CTNNBL1: variants seen among roughly 807,000 people sequenced by gnomAD.
The protein encoded by CTNNBL1 is beta-catenin-like protein 1.
A neutral mutation model predicts 72.7 loss-of-function variants in CTNNBL1; 31 were observed. That is an observed-to-expected ratio of 0.43 (90% confidence interval 0.32 to 0.58). CTNNBL1 has a LOEUF of 0.58. Among genes scored for constraint, CTNNBL1 ranks in the 20% least tolerant of loss-of-function variants. The pLI, the probability that CTNNBL1 is intolerant of heterozygous loss-of-function variation, is 0.08. For missense variants in CTNNBL1, 534 were observed against 725.1 expected (o/e 0.74, Z 3.03); for synonymous variants, 240 against 267.3 (o/e 0.90, Z 1.00).
intron 4 of CTNNBL1, chr20:37,751,241 A>G (rs2073317136): frequency 6.6e-6 from 1 of 152,030 alleles, no homozygotes; most frequent in Admixed American, 6.6e-5. Flanking sequence ...TCTAAACCCA[A>G]TTTATTCAAA....
intron 11 of CTNNBL1, among the ~76,000 whole-genome samples, chr20:37,815,350 A>T (rs2072047220): frequency 6.9e-6 from 1 of 144,580 alleles, no homozygotes; most frequent in Non-Finnish European, 1.5e-5. Context: ...GGAGTTGCAC[A>T]GTTGTTGCCC....
chr20:37,775,516 A>G (rs528506305), intron 7 of CTNNBL1, among the ~76,000 whole-genome samples: 1 of 152,228 alleles, frequency 6.6e-6, no homozygotes, highest in Admixed American at 6.5e-5. Context: ...CCACAGCGCA[A>G]AGTTGGAGAA....
At chr20:37,810,967 T>G (rs917601170) in intron 11 of CTNNBL1, among the ~76,000 whole-genome samples, 1 of 152,216 alleles carries the variant, frequency 6.6e-6, no homozygotes, top group Non-Finnish European at 1.5e-5. Flanking sequence ...AAGTGAAGAT[T>G]AAATGAAATA....
chr20:37,859,800 T>C (rs2072474589), intron 13 of CTNNBL1, 99 bp from the exon 14 acceptor site: 2 of 1,163,270 alleles, frequency 1.7e-6, no homozygotes, highest in South Asian at 3.0e-5. Context: ...GCTGTTGTTA[T>C]AGTTGCTATT....
chr20:37,833,948 C>T (rs1442339811), intron 11 of CTNNBL1, among the ~76,000 whole-genome samples: 4 of 152,162 alleles, frequency 2.6e-5, no homozygotes, highest in Non-Finnish European at 5.9e-5. Flanking sequence ...TGGCCGGCAC[C>T]AGTAGCCTAT....
intron 4 of CTNNBL1, among the ~76,000 whole-genome samples, chr20:37,756,019 C>T (rs565004075): frequency 1.1e-4 from 16 of 152,342 alleles, no homozygotes; most frequent in South Asian, 4.1e-4. Context: ...TTCTTCTCTT[C>T]AAATGCCTTT....
chr20:37,780,898 A>G (rs532537246), intron 10 of CTNNBL1, among the ~76,000 whole-genome samples: 1 of 152,234 alleles, frequency 6.6e-6, no homozygotes, highest in Non-Finnish European at 1.5e-5. Flanking sequence ...AAGTCTATCT[A>G]TGATGTTAAG....
chr20:37,803,005 C>A lies in CTNNBL1; in HGVS notation c.1170C>A (p.Pro390=). The stretch of plus-strand genomic sequence containing the variant: ...TCTTTCCCCTCTTTATGAAATCTCC[C>A]AGGAAGATCAAGAAAGTGGGAACCA... ...RTIFPLFMKS[P]RKIKKVGTTE... is the part of the protein sequence containing the mutation. Residue 390 remains proline (P), a synonymous_variant, in exon 11 of 16, where the codon CCC becomes CCA. Coordinates refer to ENST00000361383, the MANE Select transcript of CTNNBL1 (RefSeq NM_030877.5). The A allele has an allele frequency of 1.2e-6, 2 of 1,613,940 alleles. No homozygotes were observed. Among genetic ancestry groups the A allele is most frequent in the Non-Finnish European group, 1.7e-6 (2 of 1,179,980 alleles).
At chr20:37,821,004 C>T (rs890080235) in intron 11 of CTNNBL1, among the ~76,000 whole-genome samples, 1 of 152,168 alleles carries the variant, frequency 6.6e-6, no homozygotes, top group Non-Finnish European at 1.5e-5. Context: ...CTTGCCGGTA[C>T]CACCTTGCTC....
At chr20:37,765,637 C>G (rs543381053) in intron 6 of CTNNBL1, among the ~76,000 whole-genome samples, 1 of 152,276 alleles carries the variant, frequency 6.6e-6, no homozygotes, top group East Asian at 1.9e-4. Context: ...ATTTTAAATC[C>G]TTTTAAGTCG....
At chr20:37,806,554 G>C (rs759201028) in intron 11 of CTNNBL1, among the ~76,000 whole-genome samples, 1 of 152,172 alleles carries the variant, frequency 6.6e-6, no homozygotes, top group Non-Finnish European at 1.5e-5. Flanking sequence ...AGCAGGTTTT[G>C]GGGGAAAGCT....
intron 1 of CTNNBL1, among the ~76,000 whole-genome samples, chr20:37,695,419 T>C (rs2072782205): frequency 6.6e-6 from 1 of 152,106 alleles, no homozygotes; most frequent in Admixed American, 6.6e-5. Context: ...GGTCTCAAAC[T>C]CCTAGCCTCA....
At chr20:37,837,197 A>C (rs995755951) in intron 11 of CTNNBL1, among the ~76,000 whole-genome samples, 1 of 151,934 alleles carries the variant, frequency 6.6e-6, no homozygotes, top group Non-Finnish European at 1.5e-5. Flanking sequence ...TTCTTATCCT[A>C]CTTTCTCACC....
chr20:37,850,826 C>A (rs2072389961), intron 13 of CTNNBL1, among the ~76,000 whole-genome samples: 1 of 152,190 alleles, frequency 6.6e-6, no homozygotes, highest in Non-Finnish European at 1.5e-5. Context: ...GGTTTCGGCT[C>A]TGAGTCATGT....
intron 1 of CTNNBL1, among the ~76,000 whole-genome samples, chr20:37,695,337 G>A (rs528233473): frequency 2.0e-5 from 3 of 152,250 alleles, no homozygotes; most frequent in South Asian, 4.1e-4. Context: ...TAGGACTGCA[G>A]GCAGGCATCA....
chr20:37,818,205 G>A, intron 11 of CTNNBL1, among the ~76,000 whole-genome samples: 1 of 152,190 alleles, frequency 6.6e-6, no homozygotes, highest in Non-Finnish European at 1.5e-5. Context: ...TTCCAGGCAA[G>A]GTTTAGATCC....
chr20:37,822,522 G>T (rs1289446591), intron 11 of CTNNBL1, among the ~76,000 whole-genome samples: 1 of 152,176 alleles, frequency 6.6e-6, no homozygotes, highest in Non-Finnish European at 1.5e-5. Context: ...AAAGCAAAGG[G>T]ACATTGGAGT....
chr20:37,743,601 G>A lies in CTNNBL1; in HGVS notation c.327-2867G>A, dbSNP rs11906959. Reference sequence around the variant, plus strand: ...AAACATACTATAAAGCTATAACAATGTGGAAGTGTGGTCCTGACTCAGGAA... The same window carrying A: ...AAACATACTATAAAGCTATAACAATATGGAAGTGTGGTCCTGACTCAGGAA... On this transcript the variant is annotated intron_variant, in intron 3 of 15. Coordinates refer to ENST00000361383, the MANE Select transcript of CTNNBL1 (RefSeq NM_030877.5). 1.8e-3 allele frequency among the ~76,000 whole-genome samples: 278 copies of A among 152,272 alleles called. 2 individuals carry two copies. Among genetic ancestry groups the A allele is most frequent in the African/African-American group, 5.6e-3 (232 of 41,568 alleles).
chr20:37,854,435 A>C (rs895728182), intron 13 of CTNNBL1, among the ~76,000 whole-genome samples: 2 of 152,022 alleles, frequency 1.3e-5, no homozygotes, highest in Non-Finnish European at 2.9e-5. Context: ...TGGTAGCATG[A>C]AAAGAGCATG....
Sources: gnomAD v4.1 joint callset for allele counts (sites outside exome capture counted in the v4.1 genomes callset) on GRCh38, gnomAD v4.1.1 for gene constraint, MANE v1.5 for transcripts, NCBI Gene and HGNC (gene_info 2026-07-23, HGNC 2026-07-21) for gene names.